Variants in FAM193A observed in about 807,000 individuals in gnomAD.
The protein encoded by FAM193A is family with sequence similarity 193 member A.
In FAM193A, 22 loss-of-function variants were observed where a neutral mutation model predicts 126.5. The ratio of observed to expected loss-of-function variants is 0.17; its 90% CI spans 0.12 to 0.25. The LOEUF (loss-of-function observed/expected upper bound fraction) is 0.25. Ranked by LOEUF, FAM193A falls within the 10% of genes least tolerant of loss-of-function variation. FAM193A has a pLI of 1.00. For synonymous variants in FAM193A, 761 were observed against 646.8 expected (o/e 1.18, Z -2.68); for missense variants, 1,675 against 1,672.8 (o/e 1.00, Z -0.02).
intron 12 of FAM193A, among the ~76,000 whole-genome samples, chr4:2,664,256 T>C (rs1712827955): frequency 6.6e-6 from 1 of 152,204 alleles, no homozygotes; most frequent in South Asian, 2.1e-4. Context: ...ACTCAGCATT[T>C]AGTTATTGTG....
chr4:2,659,868 C>A lies in FAM193A; in HGVS notation c.1559C>A (p.Pro520His). 2 of 1,614,068 alleles carry A rather than the reference C, an allele frequency of 1.2e-6. No homozygotes were observed. The highest frequency in any genetic ancestry group is 1.7e-6 in the Non-Finnish European group (2 of 1,179,960). ...SHILTCGIMD[P>H]PVTDDIHIHQ... ...ATCCTCACGTGTGGTATCATGGACC[C>A]CCCCGTCACTGATGACATCCACATT... Residue 520 changes from proline to histidine, a missense_variant, in exon 10 of 21, where the codon CCC becomes CAC. Pro to His is a moderately conservative substitution (Grantham distance 77). Transcript: ENST00000637812.
In FAM193A at chr4:2,693,784, C is replaced by T; in HGVS notation, c.3002C>T (p.Pro1001Leu). 1.9e-6 allele frequency: 3 copies of T among 1,614,252 alleles called. No individual in the cohort carries two copies. The highest frequency in any genetic ancestry group is 2.5e-6 in the Non-Finnish European group (3 of 1,180,050). ...TTCCCCAAAACAGCAACCACAACTC[C>T]TGGGTTTGTGGACACACGCAAGAGT... is the stretch of plus-strand genomic sequence containing the variant. The part of the protein sequence containing the change: ...PSFPKTATTT[P>L]GFVDTRKSFC... Residue 1001 changes from proline to leucine, a missense_variant, in exon 16 of 21, where the codon CCT becomes CTT. This residue lies in a region of FAM193A where 1,186 missense variants were observed against 1,109.2 expected (regional missense o/e 1.07). Coordinates refer to ENST00000637812, the MANE Select transcript of FAM193A (RefSeq NM_001366318.2).
At chr4:2,636,755 G>T (rs1479306772) in intron 5 of FAM193A, among the ~76,000 whole-genome samples, 1 of 152,144 alleles carries the variant, frequency 6.6e-6, no homozygotes, top group Non-Finnish European at 1.5e-5. Flanking sequence ...TTGCTTGAAA[G>T]CTTAGATTTT....
intron 1 of FAM193A, among the ~76,000 whole-genome samples, chr4:2,575,272 T>C (rs532953263): frequency 3.4e-4 from 52 of 152,194 alleles, no homozygotes; most frequent in African/African-American, 1.1e-3. Context: ...TGTGCAAAAG[T>C]GTGGTACACC....
Position 2,596,305 on chromosome 4 carries a change from G to C in FAM193A, c.477G>C (p.Arg159Ser), listed in dbSNP as rs1343309686. 1.4e-6 allele frequency: 1 copy of C among 702,720 alleles called. No homozygotes were observed. The highest frequency in any genetic ancestry group is 2.6e-6 in the Non-Finnish European group (1 of 384,994). The allele number at this position is 702,720 out of a possible 1,614,324, so 43.5% of individuals were successfully genotyped here. A position where few individuals can be genotyped will look rare whatever the true frequency, so the allele number is the denominator to read the frequency against. The change falls in exon 2 of 21, where the codon AGG becomes AGC. Residue 159 changes from arginine (R) to serine (S), a missense_variant. This residue lies in a region of FAM193A where 1,186 missense variants were observed against 1,109.2 expected (regional missense o/e 1.07). Coordinates refer to ENST00000637812, the MANE Select transcript of FAM193A (RefSeq NM_001366318.2). ...DCRRTVEKEE[R>S]HGGLDQPVSQ... ...GCAGGACCGTGGAGAAGGAGGAGAG[G>C]CATGGCGGCCTTGACCAGCCAGTGG...
intron 1 of FAM193A, among the ~76,000 whole-genome samples, chr4:2,537,524 G>C (rs1055606999): frequency 6.6e-6 from 1 of 152,248 alleles, no homozygotes; most frequent in African/African-American, 2.4e-5. Context: ...ACGGCGCTTC[G>C]CCTTCCGCTG....
At chr4:2,564,018 C>T (rs1738787314) in intron 1 of FAM193A, among the ~76,000 whole-genome samples, 1 of 152,134 alleles carries the variant, frequency 6.6e-6, no homozygotes, top group Admixed American at 6.6e-5. Context: ...GATGCAGAAG[C>T]AGCTGTAGTT....
At chr4:2,670,643 A>G (rs1713685613) in intron 12 of FAM193A, among the ~76,000 whole-genome samples, 1 of 152,128 alleles carries the variant, frequency 6.6e-6, no homozygotes. Context: ...TACTTTTTGT[A>G]GAGACAGGGT....
At chr4:2,703,917 T>A (rs73189408) in intron 19 of FAM193A, among the ~76,000 whole-genome samples, 58,925 of 150,616 alleles carry the variant, frequency 0.39, 12,106 homozygotes, top group Admixed American at 0.56. Flanking sequence ...GGCTGCGGTG[T>A]GTCATGATTG....
At chr4:2,655,012 A>G in intron 7 of FAM193A, 1 of 647,544 alleles carries the variant, frequency 1.5e-6, no homozygotes, top group Non-Finnish European at 2.8e-6. Context: ...TGATAGGTTT[A>G]TCTCATCTTT....
At chr4:2,684,039 C>T (rs1447827106) in intron 13 of FAM193A, among the ~76,000 whole-genome samples, 1 of 152,146 alleles carries the variant, frequency 6.6e-6, no homozygotes, top group Non-Finnish European at 1.5e-5. Context: ...CTCACACGGC[C>T]CCCTTGTTCT....
At chr4:2,604,791 C>CTTTTTT (rs869148370) in intron 2 of FAM193A, among the ~76,000 whole-genome samples, 14 of 99,632 alleles carry the variant, frequency 1.4e-4, no homozygotes, top group Non-Finnish European at 1.9e-4. Flanking sequence ...TTTCTTTTTC[C>CTTTTTT]TTTTTTTTTT....
intron 1 of FAM193A, among the ~76,000 whole-genome samples, chr4:2,577,912 T>C (rs949814396): frequency 2.0e-5 from 3 of 152,200 alleles, no homozygotes; most frequent in Non-Finnish European, 4.4e-5. Flanking sequence ...GTATAATCGT[T>C]TTCAGTTTTG....
intron 19 of FAM193A, among the ~76,000 whole-genome samples, chr4:2,706,962 G>C (rs773569954): frequency 6.6e-6 from 1 of 151,818 alleles, no homozygotes; most frequent in Non-Finnish European, 1.5e-5. Flanking sequence ...CTCTACTAAA[G>C]ATAAAAAAAA....
intron 20 of FAM193A, among the ~76,000 whole-genome samples, chr4:2,720,690 C>T (rs957711798): frequency 1.3e-5 from 2 of 151,492 alleles, no homozygotes; most frequent in Non-Finnish European, 2.9e-5. Flanking sequence ...ATACCCACAC[C>T]ACAAATAATT....
intron 5 of FAM193A, 23 bp from the exon 6 acceptor site, chr4:2,639,712 A>G: frequency 6.2e-7 from 1 of 1,600,592 alleles, no homozygotes; most frequent in Non-Finnish European, 8.5e-7. Flanking sequence ...TCTTCTGTTT[A>G]TCTTTTACTT....
At position 2,646,824 on chromosome 4, in the gene FAM193A, G is replaced by A. The variant is rs151258029; in HGVS notation, c.1303G>A (p.Asp435Asn). The A allele has an allele frequency of 3.7e-6, 6 of 1,611,912 alleles. No homozygotes were observed. The highest frequency in any genetic ancestry group is 2.2e-5 in the East Asian group (1 of 44,840). The change falls in exon 7 of 21, where the codon GAC becomes AAC. Residue 435 changes from aspartate to asparagine, a missense_variant. Around this residue, in one of 4 missense-constraint regions of FAM193A, gnomAD observed 1,186 missense variants for 1,109.2 expected, o/e 1.07. Coordinates refer to ENST00000637812, the MANE Select transcript of FAM193A (RefSeq NM_001366318.2). ...CCAGAAGAGGATCGACGCCTATGTC[G>A]ACGAGCAGGTGAGTGCCACCCGGGA... is the stretch of plus-strand genomic sequence containing the variant. ...ECQKRIDAYV[D>N]EQMTMKTKQR...
intron 7 of FAM193A, among the ~76,000 whole-genome samples, chr4:2,648,896 C>T (rs1466507530): frequency 1.3e-5 from 2 of 152,200 alleles, no homozygotes; most frequent in East Asian, 1.9e-4. Context: ...GGTCACCACT[C>T]CCTGGGATGT....
chr4:2,619,731 GC>G (rs1165453797), intron 2 of FAM193A, among the ~76,000 whole-genome samples: 1 of 152,002 alleles, frequency 6.6e-6, no homozygotes, highest in Non-Finnish European at 1.5e-5. Flanking sequence ...TGTCACCCAG[GC>G]TGGAGTGCAG....
Sources: gnomAD v4.1 joint callset for allele counts (sites outside exome capture counted in the v4.1 genomes callset) on GRCh38, gnomAD v4.1.1 for gene constraint, gnomAD v4.1.1 regional missense constraint, MANE v1.5 for transcripts, NCBI Gene and HGNC (gene_info 2026-07-23, HGNC 2026-07-21) for gene names.